The following SLC24A2 variants were observed in gnomAD, a reference collection of about 807,000 sequenced individuals.
SLC24A2 encodes sodium/potassium/calcium exchanger 2.
In SLC24A2, 36 loss-of-function variants were observed where a neutral mutation model predicts 62.0. That is an observed-to-expected ratio of 0.58 (90% CI 0.44 to 0.77). The LOEUF is 0.77. Among genes scored for constraint, SLC24A2 ranks in the 30% least tolerant of loss-of-function variants. The pLI is 0.00. For missense variants in SLC24A2, 846 were observed against 817.9 expected (o/e 1.03, Z -0.42); for synonymous variants, 358 against 294.0 (o/e 1.22, Z -2.23).
At chr9:20,098,237 A>C in the SLC24A2 span, among the ~76,000 whole-genome samples, 1 of 152,208 alleles carries the variant, frequency 6.6e-6, no homozygotes, top group Non-Finnish European at 1.5e-5. Flanking sequence ...ATTTATTCAT[A>C]AATATTCATT....
intron 2 of SLC24A2, among the ~76,000 whole-genome samples, chr9:19,722,984 C>A (rs1821072104): frequency 6.6e-6 from 1 of 152,102 alleles, no homozygotes; most frequent in African/African-American, 2.4e-5. Flanking sequence ...TAATGAAATT[C>A]TTTCTGCACT....
chr9:20,066,703 G>C, the SLC24A2 span, among the ~76,000 whole-genome samples: 148 of 152,236 alleles, frequency 9.7e-4, 3 homozygotes, highest in East Asian at 0.027. Context: ...CTTAAAAAGG[G>C]CTACTAGGAG....
chr9:19,563,804 TCCTTCCTTCCTTCCTTCCTTCCTC>T (rs1191990927), intron 7 of SLC24A2, among the ~76,000 whole-genome samples: 1 of 76,130 alleles, frequency 1.3e-5, no homozygotes, highest in African/African-American at 6.8e-5. Context: ...GACCCTTCCT[TCCTTCCTTCCTTCCTTCCTTCCTC>T]CCTCCCTCCC....
chr9:19,584,437 C>G (rs1290825568), intron 5 of SLC24A2, among the ~76,000 whole-genome samples: 1 of 152,128 alleles, frequency 6.6e-6, no homozygotes, highest in Non-Finnish European at 1.5e-5. Context: ...CATATTTGTG[C>G]TCTGATGGAT....
chr9:19,629,378 G>T (rs1186215923), intron 2 of SLC24A2, among the ~76,000 whole-genome samples: 1 of 152,188 alleles, frequency 6.6e-6, no homozygotes, highest in Admixed American at 6.6e-5. Flanking sequence ...AGTGGCAAGT[G>T]ATTGTTGTGA....
intron 10 of SLC24A2, among the ~76,000 whole-genome samples, chr9:19,520,208 T>C (rs746970873): frequency 5.9e-5 from 9 of 152,240 alleles, no homozygotes; most frequent in Non-Finnish European, 1.0e-4. Context: ...TAATGTCTTA[T>C]ATCTTATTCT....
the SLC24A2 span, among the ~76,000 whole-genome samples, chr9:19,891,679 A>C: frequency 7.2e-5 from 11 of 152,188 alleles, no homozygotes; most frequent in Non-Finnish European, 1.6e-4. Context: ...CCAAGAGTCC[A>C]AGGCTGCAGT....
chr9:20,045,168 C>G, the SLC24A2 span, among the ~76,000 whole-genome samples: 3 of 152,146 alleles, frequency 2.0e-5, no homozygotes, highest in Non-Finnish European at 4.4e-5. Context: ...TTACTATATG[C>G]TAGACCCTGT....
chr9:20,133,668 C>G, the SLC24A2 span, among the ~76,000 whole-genome samples: 1 of 152,140 alleles, frequency 6.6e-6, no homozygotes, highest in African/African-American at 2.4e-5. Flanking sequence ...CATTATTTCT[C>G]TATTTATTGG....
chr9:20,204,775 G>C, the SLC24A2 span, among the ~76,000 whole-genome samples: 3 of 135,466 alleles, frequency 2.2e-5, no homozygotes, highest in Non-Finnish European at 4.6e-5. Context: ...ACAGAGTCTC[G>C]TTCTGTCACC....
intron 10 of SLC24A2, among the ~76,000 whole-genome samples, chr9:19,520,605 C>T (rs1339097322): frequency 6.6e-6 from 1 of 152,032 alleles, no homozygotes; most frequent in East Asian, 1.9e-4. Context: ...CTCAGTTCCA[C>T]TTGAATGTTG....
At chr9:19,972,787 T>C in the SLC24A2 span, among the ~76,000 whole-genome samples, 1 of 152,208 alleles carries the variant, frequency 6.6e-6, no homozygotes, top group South Asian at 2.1e-4. Flanking sequence ...GGAAGTACTA[T>C]TCTATACCAT....
chr9:19,810,351 T>C, the SLC24A2 span, among the ~76,000 whole-genome samples: 23 of 152,356 alleles, frequency 1.5e-4, no homozygotes, highest in East Asian at 3.7e-3. Context: ...GCAGGTATTT[T>C]ATCTGTTAAT....
chr9:19,760,886 G>C (rs932899897), intron 2 of SLC24A2, among the ~76,000 whole-genome samples: 15 of 148,740 alleles, frequency 1.0e-4, no homozygotes, highest in Admixed American at 6.7e-4. Context: ...ACACAGGGTG[G>C]GGAACATCAC....
the SLC24A2 span, among the ~76,000 whole-genome samples, chr9:20,249,556 A>G: frequency 6.6e-6 from 1 of 151,936 alleles, no homozygotes; most frequent in African/African-American, 2.4e-5. Context: ...AACACAAAAA[A>G]GTAGCTGACG....
the SLC24A2 span, among the ~76,000 whole-genome samples, chr9:20,257,412 G>C: frequency 1.3e-5 from 2 of 151,662 alleles, no homozygotes; most frequent in African/African-American, 4.8e-5. Context: ...TTTTTCTATA[G>C]TTGACTTAAT....
the SLC24A2 span, among the ~76,000 whole-genome samples, chr9:20,145,315 G>GTGGGGGATATAACA: frequency 1.3e-5 from 2 of 152,138 alleles, no homozygotes; most frequent in South Asian, 2.1e-4. Context: ...AAGGGTTATA[G>GTGGGGGATATAACA]TGGGGGATAT....
chr9:19,650,294 A>G (rs1346053386), intron 2 of SLC24A2, among the ~76,000 whole-genome samples: 1 of 152,244 alleles, frequency 6.6e-6, no homozygotes, highest in Non-Finnish European at 1.5e-5. Flanking sequence ...CTATGTTGGC[A>G]GTAAAGGGGA....
chr9:20,261,219 A>T, the SLC24A2 span, among the ~76,000 whole-genome samples: 1 of 152,160 alleles, frequency 6.6e-6, no homozygotes, highest in Admixed American at 6.6e-5. Flanking sequence ...GACTGAGAAC[A>T]TACAATGTCT....
Sources: allele counts gnomAD v4.1 joint callset (sites outside exome capture counted in the v4.1 genomes callset), GRCh38; gene constraint gnomAD v4.1.1; transcripts MANE v1.5; gene names NCBI Gene and HGNC (gene_info 2026-07-23, HGNC 2026-07-21).